Variants in TTC34 observed in about 807,000 individuals in gnomAD.
TTC34 encodes the protein tetratricopeptide repeat protein 34.
TTC34 carries 44 observed loss-of-function variants against 40.7 expected under a neutral mutation model. The ratio of observed to expected loss-of-function variants is 1.08; its 90% CI spans 0.85 to 1.39. The LOEUF is 1.39. TTC34 is among the 40% of genes most tolerant of loss of function. TTC34 has a pLI of 0.00. For synonymous variants in TTC34, 422 were observed against 398.6 expected, an observed-to-expected ratio of 1.06 and a Z score of -0.70; for missense variants, 884 against 838.0, an observed-to-expected ratio of 1.05 and a Z score of -0.68.
chr1:2,652,696 G>T (rs1639190651), intron 6 of TTC34, among the ~76,000 whole-genome samples: 1 of 148,844 alleles, frequency 6.7e-6, no homozygotes, highest in Non-Finnish European at 1.5e-5. Flanking sequence ...CCACAGGTGA[G>T]CATCTGACAG....
intron 6 of TTC34, among the ~76,000 whole-genome samples, chr1:2,653,208 C>G: frequency 7.0e-6 from 1 of 143,090 alleles, no homozygotes; most frequent in South Asian, 2.2e-4. Context: ...AACCCACACC[C>G]CCAGGTGAAC....
At chr1:2,759,240 C>T (rs1223586408) in intron 6 of TTC34, among the ~76,000 whole-genome samples, 1 of 110,368 alleles carries the variant, frequency 9.1e-6, no homozygotes, top group African/African-American at 3.9e-5. Flanking sequence ...CCCTGCACCC[C>T]CGGTGCGCAC....
At chr1:2,641,918 G>C in intron 8 of TTC34, 23 bp from the exon 9 acceptor site, 1 of 1,447,408 alleles carries the variant, frequency 6.9e-7, no homozygotes. Flanking sequence ...CACAGAGAGA[G>C]GCAGGGAGAG....
chr1:2,683,233 C>T (rs1157627215), intron 6 of TTC34, among the ~76,000 whole-genome samples: 1 of 149,080 alleles, frequency 6.7e-6, no homozygotes, highest in Non-Finnish European at 1.5e-5. Flanking sequence ...ACCCACACCC[C>T]CAAGTGAGCA....
intron 5 of TTC34, among the ~76,000 whole-genome samples, 174 bp from the exon 6 acceptor site, chr1:2,783,949 G>A (rs970011220): frequency 6.6e-6 from 1 of 152,104 alleles, no homozygotes; most frequent in African/African-American, 2.4e-5. Context: ...TGGGGGCATT[G>A]GCTGCAGGGC....
At chr1:2,799,997 G>C (rs1643754626) in intron 2 of TTC34, 47 bp downstream of exon 2, 1 of 398,376 alleles carries the variant, frequency 2.5e-6, no homozygotes. Context: ...GGGAGTGGCG[G>C]GGGCAGCTTT....
At chr1:2,656,343 T>C (rs1303576027) in intron 6 of TTC34, among the ~76,000 whole-genome samples, 58 of 129,712 alleles carry the variant, frequency 4.5e-4, no homozygotes, top group South Asian at 7.8e-4. Flanking sequence ...CACCCCCAGG[T>C]GAGCATCTGA....
intron 6 of TTC34, among the ~76,000 whole-genome samples, chr1:2,750,832 G>C (rs1388380690): frequency 7.8e-6 from 1 of 128,310 alleles, no homozygotes; most frequent in Non-Finnish European, 1.6e-5. Flanking sequence ...TGACAGCCTG[G>C]AGCAGTACCC....
intron 6 of TTC34, among the ~76,000 whole-genome samples, chr1:2,660,554 A>AC (rs1639511111): frequency 7.4e-5 from 1 of 13,598 alleles, no homozygotes; most frequent in African/African-American, 2.1e-4. Context: ...CCCATAGCCC[A>AC]TGGTGAGCAC....
Position 2,645,753 on chromosome 1 carries a change from T to G in TTC34, c.2227-190A>C, listed in dbSNP as rs1639009733. 6.6e-6 allele frequency among the ~76,000 whole-genome samples: 1 copy of G among 152,138 alleles called. No individual in the cohort carries two copies. Among genetic ancestry groups the G allele is most frequent in the African/African-American group, 2.4e-5 (1 of 41,446 alleles). Reference sequence around the variant, plus strand: ...GGCTGCAGCCTCCTACCATCCCTCCTGATTCTGGTTAGCATTTGAGGGGAC... The same window carrying G: ...GGCTGCAGCCTCCTACCATCCCTCCGGATTCTGGTTAGCATTTGAGGGGAC... On this transcript the variant is annotated intron_variant, in intron 6 of 8. Coordinates refer to ENST00000401095, the Ensembl canonical transcript of TTC34. The surrounding 1 kb of genome is among the most constrained non-coding windows in gnomAD (Gnocchi z 4.7).
Position 2,749,993 on chromosome 1 carries a change from C to A in TTC34, c.2226+33616G>T, listed in dbSNP as rs1161699577. Among the ~76,000 whole-genome samples the A allele has an allele frequency of 1.4e-4, 12 of 82,808 alleles. 3 individuals carry two copies. The highest frequency in any genetic ancestry group is 3.3e-4 in the African/African-American group (5 of 15,326). 54.3% of individuals were successfully genotyped at this position (82,808 alleles called of 152,430 possible). A position where few individuals can be genotyped will look rare whatever the true frequency, so the allele number is the denominator to read the frequency against. ...CAGGTGAGCATTGGACACCCTGGAG[C>A]AGCACCCACATCCCCAGGCGAGCAT... On this transcript the variant is annotated intron_variant, in intron 6 of 8. Coordinates refer to ENST00000401095, the Ensembl canonical transcript of TTC34.
chr1:2,683,674 C>A (rs557908950), intron 6 of TTC34, among the ~76,000 whole-genome samples: 144 of 149,070 alleles, frequency 9.7e-4, no homozygotes, highest in African/African-American at 3.1e-3. Context: ...CACGCTGCAC[C>A]CCCAGGTGAC....
rs1285195805 is a variant in TTC34 at position 2,791,186 on chromosome 1, TGGTAAGGGAA to T, written c.785-850_785-841del. Among the ~76,000 whole-genome samples the T allele has an allele frequency of 2.7e-5, 4 of 150,692 alleles. No individual in the cohort carries two copies. In the East Asian group the frequency reaches 8.0e-4, roughly 30 times the overall value. ...GCAAACGTGAATGGGGCTTTCTGAC[TGGTAAGGGAA>T]GTGTAGCTGCCCCATCCCAAAAAGG... On this transcript the variant is annotated intron_variant, in intron 2 of 8. Coordinates refer to ENST00000401095, the Ensembl canonical transcript of TTC34.
In TTC34 at chr1:2,755,131, G is replaced by A. The variant is rs1641462745; in HGVS notation, c.2226+28478C>T. Among the ~76,000 whole-genome samples, 4 of 61,950 alleles carry A rather than the reference G, an allele frequency of 6.5e-5. 1 individual carries two copies. Among genetic ancestry groups the A allele is most frequent in the African/African-American group, 1.5e-4 (1 of 6,514 alleles). The allele number at this position is 61,950 out of a possible 152,430, so 40.6% of individuals were successfully genotyped here. On this transcript the variant is annotated intron_variant, in intron 6 of 8. Transcript: ENST00000401095. Reference sequence around the variant, plus strand: ...GGCGAGCATCTGACGGCCTGGAACGGCACCCACACCCCCAGGTGAGCATGT... The same window carrying A: ...GGCGAGCATCTGACGGCCTGGAACGACACCCACACCCCCAGGTGAGCATGT...
chr1:2,660,829 C>G (rs1433243227), intron 6 of TTC34, among the ~76,000 whole-genome samples: 17 of 9,228 alleles, frequency 1.8e-3, no homozygotes, highest in Admixed American at 2.2e-3. Context: ...ACAGCACCCA[C>G]ATCCCCAGGT....
intron 6 of TTC34, among the ~76,000 whole-genome samples, chr1:2,764,383 C>G (rs1641732658): frequency 4.1e-5 from 6 of 146,722 alleles, no homozygotes; most frequent in East Asian, 4.3e-4. Context: ...TGCCCACACC[C>G]CCGGGCGAGC....
intron 6 of TTC34, among the ~76,000 whole-genome samples, chr1:2,683,527 C>T (rs1476343587): frequency 6.7e-6 from 1 of 149,300 alleles, no homozygotes; most frequent in Admixed American, 6.6e-5. Flanking sequence ...AGGTGAGCAT[C>T]TGATGGTCTG....
chr1:2,686,389 C>T (rs1355637748), intron 6 of TTC34, among the ~76,000 whole-genome samples: 38 of 148,410 alleles, frequency 2.6e-4, no homozygotes, highest in African/African-American at 8.0e-4. Flanking sequence ...TGGTCTGGAG[C>T]AGCACCCACA....
chr1:2,783,749 C>T (rs1643527628), exon 6 of TTC34: 1 of 1,530,450 alleles, frequency 6.5e-7, no homozygotes, highest in Non-Finnish European at 8.8e-7. Flanking sequence ...CGGGCTCGGG[C>T]AAGGAGGGAC....
Sources: allele counts gnomAD v4.1 joint callset (sites outside exome capture counted in the v4.1 genomes callset), GRCh38; gene constraint gnomAD v4.1.1; non-coding constraint Gnocchi (gnomAD v3.1); transcripts MANE v1.5; gene names NCBI Gene and HGNC (gene_info 2026-07-23, HGNC 2026-07-21).